The following LMO7 variants were observed in gnomAD, a reference collection of about 807,000 sequenced individuals.
LMO7 encodes the protein LIM domain only protein 7.
In LMO7, 120 loss-of-function variants were observed where a neutral mutation model predicts 206.5. The ratio of observed to expected loss-of-function variants is 0.58; its 90% confidence interval spans 0.50 to 0.68. The LOEUF (loss-of-function observed/expected upper bound fraction) is 0.68, where lower values mean the gene tolerates loss of function less well. LMO7 is among the 30% of genes least tolerant of loss of function. The probability of loss-of-function intolerance (pLI) is 0.00; values close to 1 mark genes in which losing one functional copy is unlikely to be tolerated. For missense variants in LMO7, 1,959 were observed against 1,957.9 expected, an observed-to-expected ratio of 1.00 and a Z score of -0.01; for synonymous variants, 706 against 681.5, an observed-to-expected ratio of 1.04 and a Z score of -0.56.
chr13:75,784,525 T>C (rs527650202), intron 4 of LMO7, among the ~76,000 whole-genome samples: 2 of 152,330 alleles, frequency 1.3e-5, no homozygotes, highest in South Asian at 4.1e-4. Flanking sequence ...ATGTGTTGCA[T>C]GCATACATAG....
intron 3 of LMO7, among the ~76,000 whole-genome samples, chr13:75,749,226 C>A (rs748160568): frequency 1.3e-5 from 2 of 152,174 alleles, no homozygotes; most frequent in Non-Finnish European, 2.9e-5. Flanking sequence ...TTCTAGCCGG[C>A]TTTAAAGTTT....
At chr13:75,708,973 G>A (rs375765405) in intron 1 of LMO7, among the ~76,000 whole-genome samples, 4 of 151,896 alleles carry the variant, frequency 2.6e-5, no homozygotes, top group East Asian at 1.9e-4. Flanking sequence ...ACAGGCCCCG[G>A]TGTGTGATGT....
intron 2 of LMO7, among the ~76,000 whole-genome samples, chr13:75,716,551 T>C (rs2043549210): frequency 6.6e-6 from 1 of 152,136 alleles, no homozygotes; most frequent in Admixed American, 6.5e-5. Context: ...CTGTCTGATA[T>C]TTTTGCTTTT....
intron 4 of LMO7, among the ~76,000 whole-genome samples, chr13:75,762,113 A>T (rs1399842593): frequency 6.6e-6 from 1 of 152,178 alleles, no homozygotes; most frequent in Non-Finnish European, 1.5e-5. Context: ...GTCTAACAAT[A>T]TATGTTTTTA....
chr13:75,774,844 T>C (rs2050171974), intron 4 of LMO7, among the ~76,000 whole-genome samples: 1 of 152,098 alleles, frequency 6.6e-6, no homozygotes, highest in African/African-American at 2.4e-5. Flanking sequence ...GAGCAGAAGA[T>C]TTGATGAAAT....
intron 2 of LMO7, among the ~76,000 whole-genome samples, chr13:75,625,109 A>G (rs1290616020): frequency 6.6e-6 from 1 of 152,184 alleles, no homozygotes; most frequent in Non-Finnish European, 1.5e-5. Context: ...AATAAAACAC[A>G]TTCACACAAG....
At position 75,686,942 on chromosome 13, in the gene LMO7, C is replaced by T. The variant is rs561191840; in HGVS notation, c.70-26240C>T. Among the ~76,000 whole-genome samples the T allele has an allele frequency of 2.1e-3, 318 of 152,194 alleles. 5 individuals are homozygous for T. The highest frequency in any genetic ancestry group is 2.4e-4 in the Non-Finnish European group (16 of 68,006). ...GCTAGAGAGCTGTCTAGGGTCTCTT[C>T]TAAGGGCACAAATTTCATAGATGAG... On this transcript the variant is annotated intron_variant, in intron 1 of 30. Transcript: ENST00000377534.
chr13:75,659,517 G>A (rs1386803121), intron 1 of LMO7, among the ~76,000 whole-genome samples: 2 of 152,178 alleles, frequency 1.3e-5, no homozygotes, highest in Admixed American at 6.5e-5. Context: ...GATGGCAGTG[G>A]CAAGAGAAAA....
intron 3 of LMO7, among the ~76,000 whole-genome samples, chr13:75,737,998 C>T (rs2139081643): frequency 6.6e-6 from 1 of 151,948 alleles, no homozygotes; most frequent in Admixed American, 6.5e-5. Flanking sequence ...CTACAGATAT[C>T]CCAGGTCACT....
At chr13:75,768,536 C>T (rs1247694924) in intron 4 of LMO7, among the ~76,000 whole-genome samples, 1 of 152,004 alleles carries the variant, frequency 6.6e-6, no homozygotes, top group African/African-American at 2.4e-5. Flanking sequence ...ATTTTTAAAT[C>T]TGATTTGAAT....
At chr13:75,633,333 T>C (rs1382597678), upstream of LMO7, among the ~76,000 whole-genome samples, 1 of 152,188 alleles carries the variant, frequency 6.6e-6, no homozygotes, top group Non-Finnish European at 1.5e-5. Context: ...TGAAGCTTGC[T>C]CATCAGCTTT....
intron 11 of LMO7, 132 bp from the exon 12 acceptor site, chr13:75,817,029 T>G: frequency 3.2e-6 from 2 of 626,278 alleles, no homozygotes; most frequent in South Asian, 4.1e-5. Context: ...GTAGTGCTAC[T>G]TCTGTGACAC....
chr13:75,784,756 T>C (rs1171697138), intron 4 of LMO7, among the ~76,000 whole-genome samples: 1 of 152,234 alleles, frequency 6.6e-6, no homozygotes, highest in Non-Finnish European at 1.5e-5. Context: ...ATGGATATTA[T>C]CTTTATTTTT....
At chr13:75,741,454 T>C (rs1370808852) in intron 3 of LMO7, among the ~76,000 whole-genome samples, 1 of 152,212 alleles carries the variant, frequency 6.6e-6, no homozygotes, top group Non-Finnish European at 1.5e-5. Context: ...GCCATTGTCC[T>C]TGATGAACAT....
chr13:75,755,194 G>C lies in LMO7; in HGVS notation c.211-5738G>C, dbSNP rs566917184. 9.2e-5 allele frequency among the ~76,000 whole-genome samples: 14 copies of C among 152,264 alleles called. No homozygotes were observed. The South Asian group carries it at 2.7e-3, about 29-fold the overall frequency. On this transcript the variant is annotated intron_variant, in intron 3 of 30. Coordinates refer to ENST00000377534, the MANE Select transcript of LMO7 (RefSeq NM_001306080.2). ...CTGGGTGGTCCCTCACCTGTTGCCA[G>C]CGGCTGGTCTTCACTGCCGCTTATT...
chr13:75,637,281 G>C (rs1192322151), intron 1 of LMO7, among the ~76,000 whole-genome samples: 1 of 152,208 alleles, frequency 6.6e-6, no homozygotes, highest in Non-Finnish European at 1.5e-5. Flanking sequence ...TCCAAGCCCA[G>C]GGGGTAGGGG....
At chr13:75,676,076 T>C (rs564320804) in intron 1 of LMO7, among the ~76,000 whole-genome samples, 1 of 152,356 alleles carries the variant, frequency 6.6e-6, no homozygotes, top group East Asian at 1.9e-4. Flanking sequence ...GTAGTCACAT[T>C]GCTGTTGAAA....
chr13:75,725,487 A>G (rs990786161), intron 2 of LMO7, among the ~76,000 whole-genome samples: 4 of 152,144 alleles, frequency 2.6e-5, no homozygotes, highest in African/African-American at 7.2e-5. Context: ...TAGTTCTTCT[A>G]TGCATTGCAA....
At chr13:75,661,836 C>G (rs555851556) in intron 1 of LMO7, among the ~76,000 whole-genome samples, 1 of 152,286 alleles carries the variant, frequency 6.6e-6, no homozygotes, top group African/African-American at 2.4e-5. Context: ...AGATTCTTAA[C>G]CATTCTCCCA....
Sources: allele counts gnomAD v4.1 joint callset (sites outside exome capture counted in the v4.1 genomes callset), GRCh38; gene constraint gnomAD v4.1.1; transcripts MANE v1.5; gene names NCBI Gene and HGNC (gene_info 2026-07-23, HGNC 2026-07-21).